Variants in FSTL5 observed in about 807,000 individuals in gnomAD.
FSTL5 encodes the protein follistatin like 5.
FSTL5 carries 62 observed loss-of-function variants against 89.1 expected under a neutral mutation model. That is an observed-to-expected ratio of 0.70 (90% CI 0.57 to 0.86). The LOEUF is 0.86. Ranked by LOEUF, FSTL5 falls within the 40% of genes least tolerant of loss-of-function variation. The pLI is 0.00. For missense variants in FSTL5, 1,057 were observed against 1,001.6 expected (o/e 1.06, Z -0.75); for synonymous variants, 383 against 346.2 (o/e 1.11, Z -1.18).
Position 161,477,329 on chromosome 4 carries a change from T to A in FSTL5, c.1608+3691A>T, listed in dbSNP as rs561604120. Among the ~76,000 whole-genome samples, 7 of 151,194 alleles carry A rather than the reference T, an allele frequency of 4.6e-5. No homozygotes were observed. The South Asian group carries it at 1.3e-3, about 27-fold the overall frequency. On this transcript the variant is annotated intron_variant, in intron 13 of 15. Transcript: ENST00000306100. The stretch of plus-strand genomic sequence containing the variant: ...AAAGGCAGATAAATTACTGCCTTTT[T>A]AAAGTATATATATTTTTTTCCATTT...
At chr4:161,887,208 T>C (rs944654570) in intron 4 of FSTL5, among the ~76,000 whole-genome samples, 4 of 152,136 alleles carry the variant, frequency 2.6e-5, no homozygotes, top group South Asian at 2.1e-4. Flanking sequence ...AAATTAAACA[T>C]TGAGACCTCT....
At chr4:161,979,174 GC>G (rs2111041531) in intron 3 of FSTL5, among the ~76,000 whole-genome samples, 1 of 152,204 alleles carries the variant, frequency 6.6e-6, no homozygotes, top group East Asian at 1.9e-4. Flanking sequence ...AAATGTCCTA[GC>G]CCATATTGGC....
At chr4:161,531,698 A>G (rs898204525) in intron 10 of FSTL5, among the ~76,000 whole-genome samples, 19 of 152,194 alleles carry the variant, frequency 1.2e-4, no homozygotes, top group Non-Finnish European at 2.6e-4. Flanking sequence ...TAAAAGGTAT[A>G]CTCAATCAGT....
At chr4:161,726,317 C>G (rs1474760102) in intron 6 of FSTL5, among the ~76,000 whole-genome samples, 1 of 147,760 alleles carries the variant, frequency 6.8e-6, no homozygotes, top group East Asian at 2.0e-4. Flanking sequence ...ACCTCCGCCT[C>G]CCGGGTTCAA....
chr4:162,007,054 C>A (rs1415658357), intron 3 of FSTL5, among the ~76,000 whole-genome samples: 1 of 151,786 alleles, frequency 6.6e-6, no homozygotes, highest in African/African-American at 2.4e-5. Context: ...GAAGGTGGGT[C>A]TATTAATCTG....
intron 10 of FSTL5, among the ~76,000 whole-genome samples, chr4:161,528,513 T>A (rs1731306441): frequency 7.0e-6 from 1 of 142,878 alleles, no homozygotes; most frequent in Non-Finnish European, 1.5e-5. Flanking sequence ...GAAACACAGT[T>A]GTATAATCTG....
At chr4:162,034,630 C>T (rs1020706922) in intron 2 of FSTL5, among the ~76,000 whole-genome samples, 5 of 152,008 alleles carry the variant, frequency 3.3e-5, no homozygotes, top group South Asian at 2.1e-4. Context: ...CAGTTTACTC[C>T]GTCTAAAAGT....
At chr4:161,851,215 G>A (rs752384179) in intron 4 of FSTL5, among the ~76,000 whole-genome samples, 1 of 152,088 alleles carries the variant, frequency 6.6e-6, no homozygotes, top group Non-Finnish European at 1.5e-5. Flanking sequence ...TACCTAATCA[G>A]AGCCAAGATT....
chr4:161,732,883 T>G (rs999805327), intron 6 of FSTL5, among the ~76,000 whole-genome samples: 6 of 151,922 alleles, frequency 3.9e-5, no homozygotes, highest in Non-Finnish European at 7.4e-5. Context: ...CACTCTGTTT[T>G]TATTACTGTA....
At chr4:161,620,730 G>A (rs1222400044) in intron 7 of FSTL5, among the ~76,000 whole-genome samples, 2 of 152,238 alleles carry the variant, frequency 1.3e-5, no homozygotes, top group African/African-American at 4.8e-5. Context: ...GGCACAAAGT[G>A]ATAATTTAGA....
At chr4:161,999,288 G>A (rs1301149066) in intron 3 of FSTL5, among the ~76,000 whole-genome samples, 5 of 152,064 alleles carry the variant, frequency 3.3e-5, no homozygotes, top group Non-Finnish European at 5.9e-5. Flanking sequence ...TGAACCAAAA[G>A]TTATAAAGTA....
At chr4:161,920,748 A>G in intron 3 of FSTL5, 96 bp from the exon 4 acceptor site, 1 of 1,225,694 alleles carries the variant, frequency 8.2e-7, no homozygotes, top group South Asian at 1.5e-5. Flanking sequence ...TGTTCTAAGA[A>G]AAGTATAGTA....
intron 4 of FSTL5, among the ~76,000 whole-genome samples, chr4:161,879,912 G>A (rs1190229993): frequency 1.5e-4 from 23 of 152,104 alleles, no homozygotes; most frequent in Admixed American, 1.5e-3. Context: ...ATAGCTCCAT[G>A]GGAGCAACAG....
chr4:161,868,946 G>T (rs1560890542), intron 4 of FSTL5, among the ~76,000 whole-genome samples: 1 of 152,142 alleles, frequency 6.6e-6, no homozygotes, highest in East Asian at 1.9e-4. Context: ...AAAAGGCCAG[G>T]CTCGGTGGCT....
At chr4:161,671,144 A>G (rs879931754) in intron 6 of FSTL5, among the ~76,000 whole-genome samples, 1 of 152,158 alleles carries the variant, frequency 6.6e-6, no homozygotes, top group Non-Finnish European at 1.5e-5. Context: ...TTTCAAGTTT[A>G]TTGACAAATT....
At chr4:161,508,403 G>A (rs920006942) in intron 11 of FSTL5, among the ~76,000 whole-genome samples, 3 of 152,140 alleles carry the variant, frequency 2.0e-5, no homozygotes, top group South Asian at 4.2e-4. Context: ...ACCCAAAGAC[G>A]CACACTTGTT....
chr4:161,960,162 A>AT (rs34848383), intron 3 of FSTL5, among the ~76,000 whole-genome samples: 46 of 98,386 alleles, frequency 4.7e-4, no homozygotes, highest in Middle Eastern at 5.8e-3. Flanking sequence ...TTTTAATGTA[A>AT]TTTTTTTTTT....
chr4:161,869,916 C>T (rs1579156760), intron 4 of FSTL5, among the ~76,000 whole-genome samples: 1 of 152,252 alleles, frequency 6.6e-6, no homozygotes, highest in South Asian at 2.1e-4. Context: ...CACTCTTCTC[C>T]CACCTTCAAT....
At chr4:162,026,064 A>C (rs1737270469) in intron 3 of FSTL5, among the ~76,000 whole-genome samples, 1 of 151,580 alleles carries the variant, frequency 6.6e-6, no homozygotes, top group Non-Finnish European at 1.5e-5. Flanking sequence ...AAAAAACGGA[A>C]ATGTGATAGA....
Sources: allele counts gnomAD v4.1 joint callset (sites outside exome capture counted in the v4.1 genomes callset), GRCh38; gene constraint gnomAD v4.1.1; transcripts MANE v1.5; gene names NCBI Gene and HGNC (gene_info 2026-07-23, HGNC 2026-07-21).